The following DLC1 variants were observed in gnomAD, a reference collection of about 807,000 sequenced individuals.
The protein encoded by DLC1 is rho GTPase-activating protein 7.
In DLC1, 54 loss-of-function variants were observed where a neutral mutation model predicts 140.3. The observed-to-expected ratio is 0.38, with a 90% CI of 0.31 to 0.48. The LOEUF (loss-of-function observed/expected upper bound fraction) is 0.48. Among genes scored for constraint, DLC1 ranks in the 20% least tolerant of loss-of-function variants. The pLI, the probability that DLC1 is intolerant of heterozygous loss-of-function variation, is 0.96. For missense variants in DLC1, 2,536 were observed against 1,907.0 expected (o/e 1.33, Z -6.14); for synonymous variants, 986 against 728.1 (o/e 1.35, Z -5.70).
chr8:13,408,576 C>A (rs1034140289), intron 2 of DLC1, among the ~76,000 whole-genome samples: 7 of 152,096 alleles, frequency 4.6e-5, no homozygotes, highest in African/African-American at 1.7e-4. Flanking sequence ...TGTGAACCGG[C>A]GGGGAGAACT....
chr8:13,523,038 G>C (rs1187096055), intron 1 of DLC1, among the ~76,000 whole-genome samples: 1 of 152,216 alleles, frequency 6.6e-6, no homozygotes, highest in South Asian at 2.1e-4. Flanking sequence ...AGGTTAGGTA[G>C]TGTCTTGTAA....
intron 5 of DLC1, among the ~76,000 whole-genome samples, chr8:13,149,454 C>G (rs998372436): frequency 6.6e-6 from 1 of 152,188 alleles, no homozygotes; most frequent in Non-Finnish European, 1.5e-5. Flanking sequence ...TTGTTGCTCC[C>G]TAGCCCTGTA....
chr8:13,544,704 C>T (rs1803598958), intron 1 of DLC1, among the ~76,000 whole-genome samples: 1 of 152,082 alleles, frequency 6.6e-6, no homozygotes, highest in African/African-American at 2.4e-5. Flanking sequence ...TAAGTCCGAT[C>T]GGTATATTCT....
At position 13,409,850 on chromosome 8, in the gene DLC1, A is replaced by C. The variant is rs577328815; in HGVS notation, c.1024-8231T>G. On this transcript the variant is annotated intron_variant, in intron 2 of 17. Transcript: ENST00000276297. ...TAGCTTTGGACACTTCTACGTGCTA[A>C]GGTTCATGTAGAATTTGGTACATGA... Among the ~76,000 whole-genome samples, 5 of 152,280 alleles carry C rather than the reference A, an allele frequency of 3.3e-5. No homozygotes were observed. In the South Asian group the frequency reaches 1.0e-3, roughly 32 times the overall value.
chr8:13,133,123 C>T, intron 5 of DLC1: 1 of 1,464,014 alleles, frequency 6.8e-7, no homozygotes, highest in Non-Finnish European at 9.0e-7. Flanking sequence ...CGCTCCCTGC[C>T]CCTCGTCACG....
At chr8:13,220,205 T>A (rs975190188) in intron 5 of DLC1, among the ~76,000 whole-genome samples, 2 of 152,224 alleles carry the variant, frequency 1.3e-5, no homozygotes, top group Non-Finnish European at 2.9e-5. Flanking sequence ...TTTACCACAA[T>A]AACATTGAGT....
chr8:13,242,892 G>A (rs981583282), intron 5 of DLC1, among the ~76,000 whole-genome samples: 2 of 152,010 alleles, frequency 1.3e-5, no homozygotes, highest in African/African-American at 4.8e-5. Flanking sequence ...GTTTGATGCT[G>A]TGTCCCAAAT....
At chr8:13,492,443 G>A (rs967465161) in intron 2 of DLC1, among the ~76,000 whole-genome samples, 4 of 142,254 alleles carry the variant, frequency 2.8e-5, no homozygotes, top group Admixed American at 7.4e-5. Context: ...AATGACCAGT[G>A]CTATTTTTGG....
chr8:13,409,743 T>C (rs75311904), intron 2 of DLC1, among the ~76,000 whole-genome samples: 6,410 of 152,244 alleles, frequency 0.042, 285 homozygotes, highest in African/African-American at 0.11. Context: ...AATGAATAAA[T>C]AGTATTTGTC....
At chr8:13,221,973 T>C (rs1486109296) in intron 5 of DLC1, among the ~76,000 whole-genome samples, 1 of 145,262 alleles carries the variant, frequency 6.9e-6, no homozygotes, top group African/African-American at 2.5e-5. Flanking sequence ...CATATATAAT[T>C]AATTATATAT....
At chr8:13,466,052 G>T (rs1221791772) in intron 2 of DLC1, among the ~76,000 whole-genome samples, 1 of 152,144 alleles carries the variant, frequency 6.6e-6, no homozygotes, top group African/African-American at 2.4e-5. Flanking sequence ...TCACCCCACT[G>T]ATGTCCTCAC....
intron 2 of DLC1, among the ~76,000 whole-genome samples, chr8:13,444,181 C>T (rs139774467): frequency 6.6e-6 from 1 of 151,962 alleles, no homozygotes; most frequent in East Asian, 1.9e-4. Context: ...GGGTAGATTG[C>T]AAAAGTTTTC....
At position 13,220,762 on chromosome 8, in the gene DLC1, G is replaced by GTA. The variant is rs545570028; in HGVS notation, c.1348+84505_1348+84506dup. ...CATCATTACTTTAGGAACTAAATATGTATAATTTGCCTTGGATTTATTACA... is the reference window on the plus strand; with the variant it reads ...CATCATTACTTTAGGAACTAAATATGTATATAATTTGCCTTGGATTTATTACA... On this transcript the variant is annotated intron_variant, in intron 5 of 17. Coordinates refer to ENST00000276297, the MANE Select transcript of DLC1 (RefSeq NM_182643.3). 5.2e-3 allele frequency among the ~76,000 whole-genome samples: 788 copies of GTA among 152,238 alleles called. 5 individuals are homozygous for GTA. Among genetic ancestry groups the GTA allele is most frequent in the Non-Finnish European group, 7.9e-3 (540 of 68,020 alleles).
chr8:13,205,571 C>G (rs1009110489), intron 5 of DLC1, among the ~76,000 whole-genome samples: 1 of 151,770 alleles, frequency 6.6e-6, no homozygotes, highest in Admixed American at 6.6e-5. Flanking sequence ...TGTCTTGGGC[C>G]AGACATAAAA....
rs769259740 is a variant in DLC1 at position 13,499,076 on chromosome 8, A to G, written c.996T>C (p.Asp332=). The G allele has an allele frequency of 1.2e-6, 2 of 1,612,636 alleles. No homozygotes were observed. Among genetic ancestry groups the G allele is most frequent in the Admixed American group, 1.7e-5 (1 of 59,780 alleles). ...KETLATQEPT[D]NQVRLRKRKE... ...TTCTCTTACGAAGTCTGACTTGGTT[A>G]TCTGTGGGTTCCTGGGTGGCCAGGG... Residue 332 remains aspartate, a synonymous_variant, in exon 2 of 18, where the codon GAT becomes GAC. Coordinates refer to ENST00000276297, the MANE Select transcript of DLC1 (RefSeq NM_182643.3).
intron 5 of DLC1, among the ~76,000 whole-genome samples, chr8:13,123,825 T>G (rs979621163): frequency 3.3e-5 from 5 of 152,186 alleles, no homozygotes; most frequent in Admixed American, 6.5e-5. Context: ...AAATATTACA[T>G]AAAGAAATAA....
chr8:13,366,050 C>G (rs1032845597), intron 4 of DLC1, among the ~76,000 whole-genome samples: 1 of 152,148 alleles, frequency 6.6e-6, no homozygotes, highest in Non-Finnish European at 1.5e-5. Context: ...TTGGACCAAA[C>G]AAGATTAATT....
At chr8:13,373,751 A>T (rs1408627079) in intron 4 of DLC1, among the ~76,000 whole-genome samples, 2 of 152,106 alleles carry the variant, frequency 1.3e-5, no homozygotes, top group African/African-American at 4.8e-5. Flanking sequence ...TACTTCCATA[A>T]CCTCACTGAA....
At chr8:13,170,493 G>GAA (rs1585830641) in intron 5 of DLC1, among the ~76,000 whole-genome samples, 2 of 152,122 alleles carry the variant, frequency 1.3e-5, no homozygotes, top group East Asian at 1.9e-4. Flanking sequence ...CACTTTGCGG[G>GAA]GCCAAGGTGG....
Sources: gnomAD v4.1 joint callset for allele counts (sites outside exome capture counted in the v4.1 genomes callset) on GRCh38, gnomAD v4.1.1 for gene constraint, MANE v1.5 for transcripts, NCBI Gene and HGNC (gene_info 2026-07-23, HGNC 2026-07-21) for gene names.